Variants in METAP1D observed in about 807,000 individuals in gnomAD.
METAP1D encodes the protein methionine aminopeptidase 1D, mitochondrial.
In METAP1D, 31 loss-of-function variants were observed where a neutral mutation model predicts 40.5. The ratio of observed to expected loss-of-function variants is 0.77; its 90% confidence interval spans 0.58 to 1.03. The LOEUF (loss-of-function observed/expected upper bound fraction) is 1.03. Ranked by LOEUF, METAP1D falls within the 50% of genes least tolerant of loss-of-function variation. The pLI is 0.00. For synonymous variants in METAP1D, 151 were observed against 146.4 expected (o/e 1.03, Z -0.22); for missense variants, 411 against 420.7 (o/e 0.98, Z 0.20).
intron 2 of METAP1D, chr2:172,061,889 A>T (rs1482019707): frequency 3.3e-6 from 1 of 299,628 alleles, no homozygotes; most frequent in Non-Finnish European, 6.0e-6. Flanking sequence ...TAGAATTAAA[A>T]TTTTTAACAT....
chr2:172,073,298 A>G (rs1286737237), intron 6 of METAP1D, among the ~76,000 whole-genome samples: 1 of 152,202 alleles, frequency 6.6e-6, no homozygotes. Flanking sequence ...CTAGCAAAGC[A>G]TAGCATTCAG....
intron 2 of METAP1D, chr2:172,062,040 T>G (rs942877329): frequency 1.3e-5 from 2 of 153,252 alleles, no homozygotes; most frequent in Admixed American, 6.5e-5. Flanking sequence ...TAGATTTTTT[T>G]AAGCCTGTTC....
chr2:172,023,188 C>CA (rs200490435), intron 1 of METAP1D, among the ~76,000 whole-genome samples: 17 of 151,084 alleles, frequency 1.1e-4, no homozygotes, highest in East Asian at 1.9e-4. Flanking sequence ...AACTCCATCT[C>CA]AAAAAAAAAT....
At chr2:172,005,520 T>TATATATATATATATATA (rs1688556250) in intron 1 of METAP1D, among the ~76,000 whole-genome samples, 1 of 110,940 alleles carries the variant, frequency 9.0e-6, no homozygotes, top group Non-Finnish European at 1.8e-5. Context: ...TGTCTGTATT[T>TATATATATATATATATA]TATATATATA....
chr2:172,066,250 T>A lies in METAP1D; in HGVS notation c.498-14T>A, dbSNP rs914930032. The A allele has an allele frequency of 1.2e-6, 2 of 1,606,936 alleles. No individual in the cohort carries two copies. Among genetic ancestry groups the A allele is most frequent in the Non-Finnish European group, 1.7e-6 (2 of 1,175,810 alleles). ...ATCTGTCTATCACCATTTTTTTTTCTGTTTACGTTTTAGTCGACCTCTTCA... is the reference window on the plus strand; with the variant it reads ...ATCTGTCTATCACCATTTTTTTTTCAGTTTACGTTTTAGTCGACCTCTTCA... On this transcript the variant is annotated splice_polypyrimidine_tract_variant and intron_variant, in intron 4 of 9. Transcript: ENST00000315796.
At chr2:172,002,892 G>A (rs1688497225) in intron 1 of METAP1D, among the ~76,000 whole-genome samples, 1 of 152,032 alleles carries the variant, frequency 6.6e-6, no homozygotes, top group African/African-American at 2.4e-5. Flanking sequence ...AAAGGCATGA[G>A]GTTTCTCTTG....
At chr2:172,068,054 G>A (rs1690327745) in intron 5 of METAP1D, among the ~76,000 whole-genome samples, 1 of 152,026 alleles carries the variant, frequency 6.6e-6, no homozygotes, top group African/African-American at 2.4e-5. Context: ...AAGACAATGC[G>A]ATGTCCATAG....
At chr2:172,079,688 T>G (rs1339674709) in intron 8 of METAP1D, among the ~76,000 whole-genome samples, 1 of 152,244 alleles carries the variant, frequency 6.6e-6, no homozygotes, top group African/African-American at 2.4e-5. Context: ...TGTTTCTGAC[T>G]GTGGGACTTA....
intron 5 of METAP1D, among the ~76,000 whole-genome samples, chr2:172,066,928 G>A (rs1422578337): frequency 6.6e-6 from 1 of 151,112 alleles, no homozygotes; most frequent in Non-Finnish European, 1.5e-5. Flanking sequence ...TGGTTTTTTT[G>A]TCTGAACTTA....
At chr2:172,030,392 TA>T (rs1689214652) in intron 1 of METAP1D, among the ~76,000 whole-genome samples, 1 of 152,134 alleles carries the variant, frequency 6.6e-6, no homozygotes, top group Admixed American at 6.6e-5. Flanking sequence ...ACACCTGGCG[TA>T]AGCCTACATT....
rs569759574 is a variant in METAP1D at position 172,007,758 on chromosome 2, C to G, written c.40+7749C>G. 1.1e-3 allele frequency among the ~76,000 whole-genome samples: 169 copies of G among 152,090 alleles called. 1 individual carries two copies. The highest frequency in any genetic ancestry group is 1.3e-3 in the Non-Finnish European group (89 of 67,956). ...AGGATGGAGTGCAGTGGCGCATTCT[C>G]AGCTCACTGCAACCTTCTTCTCCTG... On this transcript the variant is annotated intron_variant, in intron 1 of 9. Transcript: ENST00000315796.
intron 2 of METAP1D, among the ~76,000 whole-genome samples, chr2:172,062,623 G>A (rs13388155): frequency 6.6e-6 from 1 of 152,040 alleles, no homozygotes; most frequent in Non-Finnish European, 1.5e-5. Context: ...AGGCTCTTTG[G>A]GGGAGACCTG....
At chr2:172,075,710 A>G (rs1021252206) in intron 6 of METAP1D, among the ~76,000 whole-genome samples, 2 of 152,224 alleles carry the variant, frequency 1.3e-5, no homozygotes, top group African/African-American at 4.8e-5. Flanking sequence ...ATCCTATCTG[A>G]CTTAGTTCCA....
intron 6 of METAP1D, among the ~76,000 whole-genome samples, chr2:172,074,980 T>A (rs745913385): frequency 6.6e-6 from 1 of 152,220 alleles, no homozygotes; most frequent in Non-Finnish European, 1.5e-5. Flanking sequence ...AGTTGAAAAG[T>A]ATTAAGAAAT....
At chr2:172,035,297 T>A (rs1301823876) in intron 1 of METAP1D, among the ~76,000 whole-genome samples, 6 of 152,082 alleles carry the variant, frequency 3.9e-5, no homozygotes, top group Non-Finnish European at 7.4e-5. Flanking sequence ...CCCGAGTAGC[T>A]GGGACTGCAG....
chr2:172,016,791 C>T (rs1688877391), intron 1 of METAP1D, among the ~76,000 whole-genome samples: 1 of 152,102 alleles, frequency 6.6e-6, no homozygotes, highest in South Asian at 2.1e-4. Flanking sequence ...CTCTGGTCTC[C>T]AGTCCTTCCA....
chr2:172,036,177 C>T (rs1431367153), intron 1 of METAP1D, among the ~76,000 whole-genome samples: 6 of 150,926 alleles, frequency 4.0e-5, no homozygotes, highest in Middle Eastern at 3.4e-3. Context: ...GTTAGCTGGG[C>T]GTGGTGGCGG....
intron 1 of METAP1D, among the ~76,000 whole-genome samples, chr2:172,005,630 C>G (rs536755610): frequency 6.7e-6 from 1 of 149,020 alleles, no homozygotes; most frequent in Non-Finnish European, 1.5e-5. Context: ...CTCCGCCTCC[C>G]GGGTTCAAGC....
chr2:172,071,697 G>A (rs552249576), intron 6 of METAP1D, among the ~76,000 whole-genome samples: 1 of 152,178 alleles, frequency 6.6e-6, no homozygotes, highest in South Asian at 2.1e-4. Flanking sequence ...TTTATAATCT[G>A]TTACCTACTT....
Sources: allele counts gnomAD v4.1 joint callset (sites outside exome capture counted in the v4.1 genomes callset), GRCh38; gene constraint gnomAD v4.1.1; transcripts MANE v1.5; gene names NCBI Gene and HGNC (gene_info 2026-07-23, HGNC 2026-07-21).